Variants in BLMH observed in about 807,000 individuals in gnomAD.
BLMH encodes the protein bleomycin hydrolase.
In BLMH, 32 loss-of-function variants were observed where a neutral mutation model predicts 61.6. That is an observed-to-expected ratio of 0.52 (90% CI 0.39 to 0.70). BLMH has a LOEUF of 0.70. Among genes scored for constraint, BLMH ranks in the 30% least tolerant of loss-of-function variants. BLMH has a pLI of 0.00. For synonymous variants in BLMH, 183 were observed against 193.8 expected (o/e 0.94, Z 0.46); for missense variants, 460 against 555.5 (o/e 0.83, Z 1.73).
chr17:30,277,570 G>A (rs1330801460), intron 6 of BLMH, among the ~76,000 whole-genome samples: 1 of 152,238 alleles, frequency 6.6e-6, no homozygotes, highest in Non-Finnish European at 1.5e-5. Context: ...TTATCCAACG[G>A]TGGTAAATTC....
chr17:30,265,661 C>T (rs1908082310), intron 11 of BLMH, among the ~76,000 whole-genome samples: 2 of 152,132 alleles, frequency 1.3e-5, no homozygotes. Flanking sequence ...TCTCAGTCTT[C>T]TAACTAGTCT....
In BLMH at chr17:30,249,174, GA is replaced by G. The variant is rs770601068; in HGVS notation, c.1217-7del. 3.1e-6 allele frequency: 5 copies of G among 1,613,890 alleles called. No individual in the cohort carries two copies. The highest frequency in any genetic ancestry group is 4.2e-6 in the Non-Finnish European group (5 of 1,179,926). On this transcript the variant is annotated splice_polypyrimidine_tract_variant and splice_region_variant and intron_variant, in intron 11 of 11. Transcript: ENST00000261714. Reference sequence around the variant, plus strand: ...ATCTGTCATGCACAGGTAACCTGGAGAAAAGAACAGAAGACTTATGAGTCCA... The same window carrying G: ...ATCTGTCATGCACAGGTAACCTGGAGAAAGAACAGAAGACTTATGAGTCCA...
chr17:30,289,141 A>G (rs1392280131), intron 3 of BLMH, among the ~76,000 whole-genome samples: 1 of 152,196 alleles, frequency 6.6e-6, no homozygotes, highest in African/African-American at 2.4e-5. Flanking sequence ...TAGACAAGCA[A>G]GCAGTAAGAT....
At chr17:30,291,241 TAA>T (rs1237030628) in intron 2 of BLMH, 68 bp downstream of exon 2, 1 of 1,556,086 alleles carries the variant, frequency 6.4e-7, no homozygotes, top group African/African-American at 1.4e-5. Context: ...AGACCACTCT[TAA>T]ATAAGACACC....
rs552928720 is a variant in BLMH, at chr17:30,278,826, T to A, written c.646-4629A>T. On this transcript the variant is annotated intron_variant, in intron 6 of 11. Transcript: ENST00000261714. ...CAGTGATTACAGGCATGCACCACCA[T>A]GCCTGGCTAATTTTTTGTATTTTCG... 4.6e-5 allele frequency among the ~76,000 whole-genome samples: 7 copies of A among 152,266 alleles called. No individual in the cohort carries two copies. The East Asian group carries it at 1.4e-3, about 29-fold the overall frequency.
Position 30,249,110 on chromosome 17 carries a change from G to T in BLMH, c.1275C>A (p.Asp425Glu), listed in dbSNP as rs752482038. 9 of 1,613,938 alleles carry T rather than the reference G, an allele frequency of 5.6e-6. No homozygotes were observed. In the South Asian group the frequency reaches 9.9e-5, roughly 18 times the overall value. Residue 425 changes from aspartate (D) to glutamate (E), a missense_variant, in exon 12 of 12, where the codon GAC (aspartate) becomes GAA (glutamate). Around this residue, in one of 5 missense-constraint regions of BLMH, gnomAD observed 310 missense variants for 371.1 expected, o/e 0.84. Coordinates refer to ENST00000261714, the MANE Select transcript of BLMH (RefSeq NM_000386.4). ...FSEYVYEVVV[D>E]RKHVPEEVLA... ...GCACCTCTTCAGGGACATGCTTCCTGTCCACCACCACTTCGTAGACATACT... is the reference window on the plus strand; with the variant it reads ...GCACCTCTTCAGGGACATGCTTCCTTTCCACCACCACTTCGTAGACATACT...
chr17:30,275,584 G>C (rs1022074566), intron 6 of BLMH, among the ~76,000 whole-genome samples: 2 of 152,014 alleles, frequency 1.3e-5, no homozygotes, highest in Non-Finnish European at 2.9e-5. Flanking sequence ...TACTCGGGAG[G>C]CTGAGGCAGG....
At chr17:30,259,063 A>T (rs1478644117) in intron 11 of BLMH, among the ~76,000 whole-genome samples, 1 of 152,186 alleles carries the variant, frequency 6.6e-6, no homozygotes, top group Non-Finnish European at 1.5e-5. Flanking sequence ...GAGGCCTCAC[A>T]GTTCCAGTCA....
In BLMH at chr17:30,271,351, T is replaced by C; in HGVS notation, c.1066A>G (p.Asn356Asp). 6.2e-7 allele frequency: 1 copy of C among 1,614,140 alleles called. No individual in the cohort carries two copies. Among genetic ancestry groups the C allele is most frequent in the African/African-American group, 1.3e-5 (1 of 75,052 alleles). ...HELVFGVSLK[N>D]MNKAERLTFG... ...GTCAGCCTCTCCGCTTTATTCATGTTCTTCAAGGAGACACCAAACACTAAC... is the reference window on the plus strand; with the variant it reads ...GTCAGCCTCTCCGCTTTATTCATGTCCTTCAAGGAGACACCAAACACTAAC... Residue 356 changes from asparagine to aspartate, a missense_variant, in exon 10 of 12, where the codon AAC (asparagine) becomes GAC (aspartate). By Grantham distance (23) the Asn-to-Asp change is conservative. Coordinates refer to ENST00000261714, the MANE Select transcript of BLMH (RefSeq NM_000386.4).
At position 30,256,882 on chromosome 17, in the gene BLMH, C is replaced by T. The variant is rs1233616090; in HGVS notation, c.1217-7714G>A. ...AATTGAGTAGTGACAATTTGTCAACCGCTTCTGTTAGGTATCCACTGGGTG... is the reference window on the plus strand; with the variant it reads ...AATTGAGTAGTGACAATTTGTCAACTGCTTCTGTTAGGTATCCACTGGGTG... On this transcript the variant is annotated intron_variant, in intron 11 of 11. Transcript: ENST00000261714. Among the ~76,000 whole-genome samples the T allele has an allele frequency of 2.0e-5, 3 of 152,258 alleles. No individual in the cohort carries two copies. The South Asian group carries it at 6.2e-4, about 32-fold the overall frequency.
intron 11 of BLMH, among the ~76,000 whole-genome samples, chr17:30,265,399 T>C (rs557521710): frequency 6.6e-6 from 1 of 152,328 alleles, no homozygotes; most frequent in South Asian, 2.1e-4. Flanking sequence ...AAGTCCCATA[T>C]GCTCATATCC....
chr17:30,273,226 G>A (rs1257161037), intron 7 of BLMH: 2 of 191,658 alleles, frequency 1.0e-5, no homozygotes, highest in Non-Finnish European at 2.1e-5. Context: ...GAGTGCAATG[G>A]CGCCATCTCG....
At chr17:30,272,263 T>C (rs1036769452) in intron 9 of BLMH, 2 of 417,540 alleles carry the variant, frequency 4.8e-6, no homozygotes, top group Non-Finnish European at 8.7e-6. Flanking sequence ...CTGAACACAT[T>C]TCCGCAATAG....
chr17:30,269,705 C>A (rs896203592), intron 10 of BLMH, among the ~76,000 whole-genome samples: 1 of 152,020 alleles, frequency 6.6e-6, no homozygotes, highest in Non-Finnish European at 1.5e-5. Flanking sequence ...AGATTACTGA[C>A]GAATGGAATA....
At chr17:30,259,604 T>A (rs1907905128) in intron 11 of BLMH, among the ~76,000 whole-genome samples, 1 of 152,168 alleles carries the variant, frequency 6.6e-6, no homozygotes, top group African/African-American at 2.4e-5. Flanking sequence ...TTATCCTATA[T>A]CTTACAGTCT....
At chr17:30,273,227 C>CAT in intron 7 of BLMH, 2 of 188,660 alleles carry the variant, frequency 1.1e-5, no homozygotes, top group South Asian at 1.2e-4. Context: ...AGTGCAATGG[C>CAT]GCCATCTCGG....
At chr17:30,271,230 C>T in intron 10 of BLMH, 41 bp downstream of exon 10, 1 of 1,356,774 alleles carries the variant, frequency 7.4e-7, no homozygotes, top group South Asian at 1.2e-5. Flanking sequence ...AATGTAGATC[C>T]ATCTGTGCAA....
Position 30,287,822 on chromosome 17 carries a change from C to CATA in BLMH, c.444_446dup (p.Asp148_Met149insIle). ...AACTTTTACCAACAATATTAACAAG[C>CATA]ATATCCCATTGGCCACCATCATTTG... On this transcript the variant is annotated inframe_insertion, in exon 4 of 12. Transcript: ENST00000261714. The CATA allele has an allele frequency of 6.2e-7, 1 of 1,614,072 alleles. No homozygotes were observed. The highest frequency in any genetic ancestry group is 8.5e-7 in the Non-Finnish European group (1 of 1,179,986).
intron 10 of BLMH, among the ~76,000 whole-genome samples, chr17:30,268,117 G>C (rs1170720209): frequency 6.6e-6 from 1 of 152,166 alleles, no homozygotes; most frequent in African/African-American, 2.4e-5. Flanking sequence ...TTATATGTCT[G>C]TTTTGGTTTT....
Sources: gnomAD v4.1 joint callset for allele counts (sites outside exome capture counted in the v4.1 genomes callset) on GRCh38, gnomAD v4.1.1 for gene constraint, gnomAD v4.1.1 regional missense constraint, MANE v1.5 for transcripts, NCBI Gene and HGNC (gene_info 2026-07-23, HGNC 2026-07-21) for gene names.